PPWD1: variants seen among roughly 807,000 people sequenced by gnomAD.
The protein encoded by PPWD1 is peptidylprolyl isomerase domain and WD repeat containing 1, also known as peptidylprolyl isomerase domain and WD repeat-containing protein 1.
A neutral mutation model predicts 68.8 loss-of-function variants in PPWD1; 43 were observed. That is an observed-to-expected ratio of 0.62 (90% CI 0.49 to 0.81). The LOEUF (loss-of-function observed/expected upper bound fraction) is 0.81. PPWD1 is among the 30% of genes least tolerant of loss of function. PPWD1 has a pLI of 0.00. For missense variants in PPWD1, 672 were observed against 804.8 expected, an observed-to-expected ratio of 0.83 and a Z score of 2.00; for synonymous variants, 232 against 258.7, an observed-to-expected ratio of 0.90 and a Z score of 0.99.
chr5:65,566,126 A>C (rs986211194), intron 1 of PPWD1, among the ~76,000 whole-genome samples: 1 of 152,226 alleles, frequency 6.6e-6, no homozygotes, highest in Non-Finnish European at 1.5e-5. Context: ...CAAGTGAACT[A>C]TCACACAGAA....
In PPWD1 at chr5:65,576,992, A is replaced by G; in HGVS notation, c.1083A>G (p.Ile361Met). The change falls in exon 6 of 11, where the codon ATA becomes ATG. Residue 361 changes from isoleucine to methionine, a missense_variant. This residue lies in a region of PPWD1 where 484 missense variants were observed against 646.2 expected (regional missense o/e 0.75). Transcript: ENST00000261308. ...TTGATGCTGTAAGATTAATTAATAT[A>G]GTTTTTGATGAAACTGGACACTTCG... ...EKVDAVRLIN[I>M]VFDETGHFVL... 6.2e-7 allele frequency: 1 copy of G among 1,614,204 alleles called. No individual in the cohort carries two copies. The highest frequency in any genetic ancestry group is 8.5e-7 in the Non-Finnish European group (1 of 1,180,028).
At chr5:65,580,015 T>A (rs1328992863) in intron 7 of PPWD1, among the ~76,000 whole-genome samples, 2 of 152,202 alleles carry the variant, frequency 1.3e-5, no homozygotes, top group Non-Finnish European at 2.9e-5. Context: ...CATTTCCTTT[T>A]TTACCTTTTG....
Position 65,586,049 on chromosome 5 carries a change from A to G in PPWD1, c.1665A>G (p.Glu555=). 2 of 1,613,732 alleles carry G rather than the reference A, an allele frequency of 1.2e-6. No individual in the cohort carries two copies. The highest frequency in any genetic ancestry group is 1.7e-5 in the Admixed American group (1 of 60,004). ...GDPTGTGMGG[E]SIWGGEFEDE... ...CAACAGGTACTGGTATGGGAGGAGA[A>G]AGCATATGGGGAGGAGAATTTGAAG... The change falls in exon 10 of 11, where the codon GAA becomes GAG. Residue 555 remains glutamate, a synonymous_variant. Transcript: ENST00000261308.
At chr5:65,586,681 C>G (rs1753865362) in intron 10 of PPWD1, among the ~76,000 whole-genome samples, 1 of 152,072 alleles carries the variant, frequency 6.6e-6, no homozygotes, top group Admixed American at 6.6e-5. Context: ...GAATTAAGCA[C>G]TAAGTGATGA....
At chr5:65,565,783 G>A (rs899371097) in intron 1 of PPWD1, among the ~76,000 whole-genome samples, 14 of 138,172 alleles carry the variant, frequency 1.0e-4, no homozygotes, top group African/African-American at 3.0e-4. Context: ...ACTTCAGCAT[G>A]GGCAACAGAG....
In PPWD1 at chr5:65,572,496, AATT is replaced by A. The variant is rs576065571; in HGVS notation, c.969+214_969+216del. Among the ~76,000 whole-genome samples, 294 of 152,200 alleles carry A rather than the reference AATT, an allele frequency of 1.9e-3. 1 individual carries two copies. The highest frequency in any genetic ancestry group is 6.9e-3 in the African/African-American group (287 of 41,522). On this transcript the variant is annotated intron_variant, in intron 5 of 10. Transcript: ENST00000261308. Reference sequence around the variant, plus strand: ...GTTTATGATGTGCGTTTTTCAAGTCAATTATTGTCTTATTTTTGTGGTTATTTT... The same window carrying A: ...GTTTATGATGTGCGTTTTTCAAGTCAATTGTCTTATTTTTGTGGTTATTTT...
At chr5:65,575,654 C>G (rs532710228) in intron 5 of PPWD1, among the ~76,000 whole-genome samples, 7 of 91,662 alleles carry the variant, frequency 7.6e-5, no homozygotes, top group African/African-American at 2.8e-4. Flanking sequence ...ATGTAAAGAT[C>G]GTTACTCTTT....
chr5:65,570,536 CAG>C (rs1321965386), intron 4 of PPWD1: 2 of 207,716 alleles, frequency 9.6e-6, no homozygotes, highest in South Asian at 1.7e-4. Flanking sequence ...AAAGTCATAA[CAG>C]TGTCAGAAAG....
chr5:65,586,828 A>G (rs1484351456), intron 10 of PPWD1, among the ~76,000 whole-genome samples: 2 of 152,156 alleles, frequency 1.3e-5, no homozygotes, highest in Non-Finnish European at 1.5e-5. Context: ...CAAAAGGTCA[A>G]GTAGCCAAGC....
At chr5:65,566,085 A>G (rs1752744295) in intron 1 of PPWD1, among the ~76,000 whole-genome samples, 1 of 152,160 alleles carries the variant, frequency 6.6e-6, no homozygotes, top group Admixed American at 6.5e-5. Flanking sequence ...GTGACCTAGA[A>G]CGTATTGTGT....
At chr5:65,575,923 A>G (rs1191170978) in intron 5 of PPWD1, among the ~76,000 whole-genome samples, 1 of 152,214 alleles carries the variant, frequency 6.6e-6, no homozygotes, top group African/African-American at 2.4e-5. Context: ...AGTGCTTGTT[A>G]TGTCAGGCAC....
At chr5:65,587,179 A>G in intron 10 of PPWD1, 74 bp from the exon 11 acceptor site, 1 of 1,416,270 alleles carries the variant, frequency 7.1e-7, no homozygotes, top group Non-Finnish European at 9.4e-7. Context: ...AATTCTCTTT[A>G]ATTTGCTCAA....
intron 2 of PPWD1, 154 bp downstream of exon 2, chr5:65,567,769 A>G (rs1300244928): frequency 3.9e-6 from 5 of 1,279,730 alleles, no homozygotes; most frequent in East Asian, 2.7e-5. Context: ...TCTTTCCTAT[A>G]TCGTACAAAT....
chr5:65,571,048 T>A (rs1752988074), intron 4 of PPWD1, among the ~76,000 whole-genome samples: 1 of 152,166 alleles, frequency 6.6e-6, no homozygotes, highest in Admixed American at 6.5e-5. Context: ...TGATCACCTG[T>A]CCTACTCCCC....
intron 1 of PPWD1, chr5:65,564,065 T>C (rs959725691): frequency 3.7e-6 from 2 of 539,916 alleles, no homozygotes; most frequent in Non-Finnish European, 6.6e-6. Flanking sequence ...GTCTGTGGTT[T>C]TGAAATCACG....
chr5:65,574,751 C>G (rs6862211), intron 5 of PPWD1, among the ~76,000 whole-genome samples: 7,477 of 152,264 alleles, frequency 0.049, 336 homozygotes, highest in African/African-American at 0.1. Context: ...GCGTGAGCCA[C>G]CGCGCCCGGC....
intron 2 of PPWD1, chr5:65,569,289 T>C: frequency 3.6e-6 from 1 of 276,302 alleles, no homozygotes; most frequent in South Asian, 3.5e-5. Context: ...TGACAAATAG[T>C]TTATTTTCTT....
rs142815878 is a variant in PPWD1 at position 65,579,504 on chromosome 5, G to T, written c.1241G>T (p.Arg414Leu). 3 of 1,610,346 alleles carry T rather than the reference G, an allele frequency of 1.9e-6. No homozygotes were observed. The South Asian group carries it at 3.3e-5, about 18-fold the overall frequency. Reference protein sequence around the residue: ...ALFQGIAKKHRAATTIEMKAS... With the variant: ...ALFQGIAKKHLAATTIEMKAS... ...TTCCAGGGGATAGCCAAAAAGCATC[G>T]TGCTGCAACTACTATAGAAATGAAA... Residue 414 changes from arginine to leucine, a missense_variant, in exon 7 of 11, where the codon CGT becomes CTT. Arg to Leu is a moderately radical substitution (Grantham distance 102). Around this residue, in one of 2 missense-constraint regions of PPWD1, gnomAD observed 484 missense variants for 646.2 expected, o/e 0.75. Coordinates refer to ENST00000261308, the MANE Select transcript of PPWD1 (RefSeq NM_015342.4).
rs73097134 is a variant in PPWD1, at chr5:65,586,941, T to G, written c.1798-312T>G. Among the ~76,000 whole-genome samples the G allele has an allele frequency of 1.1e-3, 173 of 152,278 alleles. 1 individual carries two copies. The highest frequency in any genetic ancestry group is 4.1e-3 in the African/African-American group (169 of 41,580). The stretch of plus-strand genomic sequence containing the variant: ...TTCAGGTAAGAGTCCTCCAGAGACC[T>G]TTTAAAGCCTTAGCCACAATTCTGT... On this transcript the variant is annotated intron_variant, in intron 10 of 10. Coordinates refer to ENST00000261308, the MANE Select transcript of PPWD1 (RefSeq NM_015342.4).
Sources: gnomAD v4.1 joint callset for allele counts (sites outside exome capture counted in the v4.1 genomes callset) on GRCh38, gnomAD v4.1.1 for gene constraint, gnomAD v4.1.1 regional missense constraint, MANE v1.5 for transcripts, NCBI Gene and HGNC (gene_info 2026-07-23, HGNC 2026-07-21) for gene names.